The following PICALM variants were observed in gnomAD, a reference collection of about 807,000 sequenced individuals.
The protein encoded by PICALM is phosphatidylinositol binding clathrin assembly protein, also known as phosphatidylinositol-binding clathrin assembly protein.
A neutral mutation model predicts 80.5 loss-of-function variants in PICALM; 40 were observed. The observed-to-expected ratio is 0.50, with a 90% CI of 0.39 to 0.65. The LOEUF is 0.65. Ranked by LOEUF, PICALM falls within the 30% of genes least tolerant of loss-of-function variation. The pLI, the probability that PICALM is intolerant of heterozygous loss-of-function variation, is 0.00. For missense variants in PICALM, 676 were observed against 778.9 expected (o/e 0.87, Z 1.57); for synonymous variants, 288 against 260.3 (o/e 1.11, Z -1.02).
chr11:85,968,303 C>CAAAACA (rs1366676091), intron 19 of PICALM, among the ~76,000 whole-genome samples: 24 of 144,346 alleles, frequency 1.7e-4, no homozygotes, highest in African/African-American at 3.4e-4. Flanking sequence ...AAAAACAAAA[C>CAAAACA]AAACAAACAA....
chr11:85,974,602 T>G, intron 19 of PICALM, 106 bp downstream of exon 19: 2 of 771,836 alleles, frequency 2.6e-6, no homozygotes, highest in Non-Finnish European at 4.7e-6. Flanking sequence ...ATAATGAAGG[T>G]AGAAAGTGCT....
At chr11:85,964,295 A>G (rs951459090) in intron 19 of PICALM, among the ~76,000 whole-genome samples, 1 of 152,176 alleles carries the variant, frequency 6.6e-6, no homozygotes, top group Non-Finnish European at 1.5e-5. Context: ...CAGTCACCCA[A>G]AAGACTGGGT....
chr11:85,990,406 A>G lies in PICALM; in HGVS notation c.1259-7T>C, dbSNP rs761712596. The G allele has an allele frequency of 1.9e-6, 3 of 1,556,936 alleles. No homozygotes were observed. The highest frequency in any genetic ancestry group is 2.4e-5 in the South Asian group (2 of 83,228). On this transcript the variant is annotated splice_polypyrimidine_tract_variant and splice_region_variant and intron_variant, in intron 12 of 19. Coordinates refer to ENST00000393346, the MANE Select transcript of PICALM (RefSeq NM_007166.4). ...ACAGTAGCAGAGAAAGGATCTGTGC[A>G]GTCCAAATGTATTATAGCAAAATGA...
At chr11:85,976,823 T>G (rs891021865) in intron 17 of PICALM, 141 bp from the exon 18 acceptor site, 2 of 565,218 alleles carry the variant, frequency 3.5e-6, no homozygotes, top group African/African-American at 3.8e-5. Context: ...CATTAAGAAC[T>G]GTCGATTAAT....
At chr11:86,058,824 T>C (rs1320253382) in intron 1 of PICALM, among the ~76,000 whole-genome samples, 2 of 152,206 alleles carry the variant, frequency 1.3e-5, no homozygotes, top group Non-Finnish European at 2.9e-5. Flanking sequence ...AGGCACCTTC[T>C]AGAGTTGTGC....
chr11:86,006,128 T>C (rs1480753447), intron 8 of PICALM, among the ~76,000 whole-genome samples: 1 of 152,256 alleles, frequency 6.6e-6, no homozygotes, highest in East Asian at 1.9e-4. Context: ...CAAATCATTT[T>C]ATAATATACG....
intron 1 of PICALM, among the ~76,000 whole-genome samples, chr11:86,048,837 CAA>C (rs36076234): frequency 0.093 from 9,525 of 102,096 alleles, 535 homozygotes; most frequent in African/African-American, 0.25. Context: ...AACTCCGTCT[CAA>C]AAAAAAAAAA....
chr11:86,000,896 A>G (rs999259942), intron 10 of PICALM, 117 bp from the exon 11 acceptor site: 19 of 1,479,814 alleles, frequency 1.3e-5, no homozygotes, highest in African/African-American at 4.2e-5. Flanking sequence ...ACCTAATTCT[A>G]TGTCAGGACG....
intron 1 of PICALM, among the ~76,000 whole-genome samples, chr11:86,047,463 G>C (rs531819489): frequency 2.0e-5 from 3 of 152,180 alleles, no homozygotes; most frequent in Non-Finnish European, 4.4e-5. Context: ...CAAACTGCAA[G>C]CCTTAATTTA....
rs141354661 is a variant in PICALM at position 86,023,992 on chromosome 11, C to T, written c.350-1523G>A. Among the ~76,000 whole-genome samples, 76 of 151,922 alleles carry T rather than the reference C, an allele frequency of 5.0e-4. No homozygotes were observed. The East Asian group carries it at 0.013, about 26-fold the overall frequency. On this transcript the variant is annotated intron_variant, in intron 3 of 19. Coordinates refer to ENST00000393346, the MANE Select transcript of PICALM (RefSeq NM_007166.4). ...TTTAAGAATAAAAATATTAGCCAGG[C>T]GTGGTGGTGCACATCTGTAATCCCA...
At chr11:86,007,939 A>G (rs985891027) in intron 7 of PICALM, among the ~76,000 whole-genome samples, 1 of 152,042 alleles carries the variant, frequency 6.6e-6, no homozygotes, top group African/African-American at 2.4e-5. Flanking sequence ...CCTGACCATG[A>G]ACAAGCTCTT....
chr11:86,053,733 A>C (rs2096228316), intron 1 of PICALM, among the ~76,000 whole-genome samples: 1 of 151,944 alleles, frequency 6.6e-6, no homozygotes, highest in African/African-American at 2.4e-5. Context: ...ATGCCCAAAT[A>C]ATTTTTATAT....
intron 1 of PICALM, among the ~76,000 whole-genome samples, chr11:86,063,311 A>T (rs2096397099): frequency 6.6e-6 from 1 of 152,186 alleles, no homozygotes; most frequent in Admixed American, 6.5e-5. Context: ...CTGCCATAGT[A>T]ACTTTAAATT....
rs1481939750 is a variant in PICALM, at chr11:86,068,658, G to A, written c.123C>T (p.His41=). The A allele has an allele frequency of 3.1e-6, 5 of 1,612,588 alleles. No homozygotes were observed. The highest frequency in any genetic ancestry group is 1.3e-5 in the African/African-American group (1 of 74,828). The change falls in exon 1 of 20, where the codon CAC becomes CAT. Residue 41 remains histidine, a synonymous_variant. Transcript: ENST00000393346. ...GCGGTCGGCTTCACTCACAGTCCAGGTGCTTTTTCTTGGGCCCCATGATCT... is the reference window on the plus strand; with the variant it reads ...GCGGTCGGCTTCACTCACAGTCCAGATGCTTTTTCTTGGGCCCCATGATCT... The part of the protein sequence containing the change: ...THEIMGPKKK[H]LDYLIQCTNE...
At chr11:86,032,406 C>T (rs114718676) in intron 1 of PICALM, among the ~76,000 whole-genome samples, 24,028 of 152,018 alleles carry the variant, frequency 0.16, 2,447 homozygotes, top group Middle Eastern at 0.24. Flanking sequence ...GTGGATCACC[C>T]AAGATCAGGA....
At chr11:85,965,664 T>C (rs1000846157) in intron 19 of PICALM, among the ~76,000 whole-genome samples, 1 of 152,160 alleles carries the variant, frequency 6.6e-6, no homozygotes, top group Non-Finnish European at 1.5e-5. Context: ...TAGGGGTCTG[T>C]CCTTTGGGTT....
chr11:86,064,553 C>T (rs772604176), intron 1 of PICALM, among the ~76,000 whole-genome samples: 2 of 149,844 alleles, frequency 1.3e-5, no homozygotes, highest in Non-Finnish European at 2.9e-5. Flanking sequence ...CCCAGGTACT[C>T]AGAAAGATTG....
At chr11:86,052,866 A>T (rs2096212324) in intron 1 of PICALM, among the ~76,000 whole-genome samples, 1 of 152,194 alleles carries the variant, frequency 6.6e-6, no homozygotes, top group South Asian at 2.1e-4. Flanking sequence ...ACAGTCCAAA[A>T]GCACCCCATT....
intron 1 of PICALM, among the ~76,000 whole-genome samples, chr11:86,047,143 C>T (rs1479710459): frequency 6.6e-6 from 1 of 152,206 alleles, no homozygotes; most frequent in Non-Finnish European, 1.5e-5. Context: ...GATGAAGACA[C>T]ACATCCACAA....
Sources: gnomAD v4.1 joint callset for allele counts (sites outside exome capture counted in the v4.1 genomes callset) on GRCh38, gnomAD v4.1.1 for gene constraint, MANE v1.5 for transcripts, NCBI Gene and HGNC (gene_info 2026-07-23, HGNC 2026-07-21) for gene names.